Variants in ARID1B observed in about 807,000 individuals in gnomAD.
The protein encoded by ARID1B is AT-rich interaction domain 1B.
Under a neutral mutation model 212.3 loss-of-function variants are expected in ARID1B, and 30 were observed. The observed-to-expected ratio is 0.14, with a 90% CI of 0.11 to 0.19. The LOEUF is 0.19. Ranked by LOEUF, ARID1B falls within the 10% of genes least tolerant of loss-of-function variation. The pLI, the probability that ARID1B is intolerant of heterozygous loss-of-function variation, is 1.00. For synonymous variants in ARID1B, 1,402 were observed against 1,301.7 expected (o/e 1.08, Z -1.66); for missense variants, 2,891 against 3,204.0 (o/e 0.90, Z 2.36).
At chr6:156,989,812 C>A (rs1261663600) in intron 4 of ARID1B, among the ~76,000 whole-genome samples, 1 of 152,100 alleles carries the variant, frequency 6.6e-6, no homozygotes, top group East Asian at 1.9e-4. Context: ...GTGGGAGTGG[C>A]AGTAGCAGTG....
intron 4 of ARID1B, chr6:156,941,596 G>A (rs1792680571): frequency 6.6e-6 from 1 of 152,202 alleles, no homozygotes; most frequent in Non-Finnish European, 1.5e-5. Flanking sequence ...TCTTTAGGAT[G>A]TGATATCCTG....
chr6:157,146,458 C>T (rs1284070369), intron 7 of ARID1B, among the ~76,000 whole-genome samples: 1 of 152,188 alleles, frequency 6.6e-6, no homozygotes, highest in Non-Finnish European at 1.5e-5. Flanking sequence ...CAGAAGTGCT[C>T]ATTCAGAGGA....
At position 157,020,332 on chromosome 6, in the gene ARID1B, C is replaced by A. The variant is rs1468854563; in HGVS notation, c.2248-64330C>A. On this transcript the variant is annotated intron_variant, in intron 4 of 19. Coordinates refer to ENST00000636930, the MANE Select transcript of ARID1B (RefSeq NM_001374828.1). The stretch of plus-strand genomic sequence containing the variant: ...CATTTACCCCCATACAAGTTGAGCA[C>A]TCTGTAAGGGATGTAATTTAAACAT... 3.3e-5 allele frequency among the ~76,000 whole-genome samples: 5 copies of A among 152,266 alleles called. No homozygotes were observed. The East Asian group carries it at 5.8e-4, about 18-fold the overall frequency.
chr6:156,925,856 C>T (rs923570079), intron 3 of ARID1B, among the ~76,000 whole-genome samples: 2 of 152,148 alleles, frequency 1.3e-5, no homozygotes, highest in African/African-American at 4.8e-5. Flanking sequence ...CCATTCCACC[C>T]CTGTTCTTTG....
At chr6:157,100,174 G>T (rs926070447) in intron 5 of ARID1B, among the ~76,000 whole-genome samples, 22 of 152,166 alleles carry the variant, frequency 1.4e-4, no homozygotes, top group African/African-American at 5.1e-4. Flanking sequence ...GGTTTATACT[G>T]CTCTAATCTG....
chr6:156,897,258 CTTCTTCTTATTATTATTA>C (rs1788536272), intron 2 of ARID1B, among the ~76,000 whole-genome samples: 1 of 87,164 alleles, frequency 1.1e-5, no homozygotes, highest in Non-Finnish European at 2.6e-5. Context: ...TCTTCTTCTT[CTTCTTCTTATTATTATTA>C]TTATTATTAT....
intron 6 of ARID1B, among the ~76,000 whole-genome samples, chr6:157,123,127 C>G (rs982139884): frequency 1.3e-5 from 2 of 151,870 alleles, no homozygotes; most frequent in Non-Finnish European, 2.9e-5. Flanking sequence ...AGTCAGGGCC[C>G]TTCTCCTCAC....
Position 157,201,625 on chromosome 6 carries a change from T to C in ARID1B, c.5263+137T>C. 1 of 1,066,512 alleles carries C rather than the reference T, an allele frequency of 9.4e-7. No individual in the cohort carries two copies. The highest frequency in any genetic ancestry group is 1.3e-6 in the Non-Finnish European group (1 of 778,260). 66.1% of individuals were successfully genotyped at this position (1,066,512 alleles called of 1,614,324 possible). A position where few individuals can be genotyped will look rare whatever the true frequency, so the allele number is the denominator to read the frequency against. On this transcript the variant is annotated intron_variant, in intron 18 of 19. Transcript: ENST00000636930. The surrounding 1 kb of genome is among the most constrained non-coding windows in gnomAD (Gnocchi z 5.2). Reference sequence around the variant, plus strand: ...TAGAAGTTATCAAGATGCGTTTTTATATAGGAGTAATATAGTTGGAGGCTG... The same window carrying C: ...TAGAAGTTATCAAGATGCGTTTTTACATAGGAGTAATATAGTTGGAGGCTG...
intron 4 of ARID1B, among the ~76,000 whole-genome samples, chr6:157,013,714 T>TACC (rs1320424245): frequency 6.6e-6 from 1 of 152,218 alleles, no homozygotes; most frequent in East Asian, 1.9e-4. Context: ...CTCATGGACT[T>TACC]ACCTTTTTTT....
intron 11 of ARID1B, among the ~76,000 whole-genome samples, chr6:157,178,776 A>G (rs554628525): frequency 6.6e-6 from 1 of 152,236 alleles, no homozygotes; most frequent in Admixed American, 6.5e-5. Flanking sequence ...AACTGTGTCC[A>G]TCATTATCTC....
At chr6:156,934,923 T>G (rs1479233414) in intron 3 of ARID1B, among the ~76,000 whole-genome samples, 1 of 38,500 alleles carries the variant, frequency 2.6e-5, no homozygotes, top group East Asian at 1.4e-3. Context: ...TATATATATA[T>G]ATATATATAT....
intron 2 of ARID1B, among the ~76,000 whole-genome samples, chr6:156,832,803 TA>T (rs1783234576): frequency 6.6e-6 from 1 of 152,264 alleles, no homozygotes; most frequent in East Asian, 1.9e-4. Context: ...TGTTTGATTT[TA>T]GTATTACCCT....
intron 11 of ARID1B, among the ~76,000 whole-genome samples, chr6:157,180,042 A>G (rs1224892841): frequency 6.6e-6 from 1 of 152,244 alleles, no homozygotes; most frequent in Non-Finnish European, 1.5e-5. Context: ...AGAACTGAGA[A>G]AAGATTTTGT....
chr6:156,977,284 C>CTT (rs199671090), intron 4 of ARID1B, among the ~76,000 whole-genome samples: 6 of 128,820 alleles, frequency 4.7e-5, no homozygotes, highest in South Asian at 2.5e-4. Context: ...CCTGTCTCCT[C>CTT]TTTTTTTTTT....
chr6:157,198,043 T>C (rs1793849029), intron 16 of ARID1B, among the ~76,000 whole-genome samples: 1 of 152,266 alleles, frequency 6.6e-6, no homozygotes, highest in South Asian at 2.1e-4. Context: ...AGATTTAGTA[T>C]ATTAAACCAA....
chr6:156,897,255 CTTCTTCTTCTTA>C (rs1423248852), intron 2 of ARID1B, among the ~76,000 whole-genome samples: 28 of 90,200 alleles, frequency 3.1e-4, no homozygotes, highest in East Asian at 1.8e-3. Flanking sequence ...TCTTCTTCTT[CTTCTTCTTCTTA>C]TTATTATTAT....
Position 156,778,980 on chromosome 6 carries a change from G to GCA in ARID1B, c.1300_1301insCA (p.Gly434AlafsTer19). The GCA allele has an allele frequency of 7.8e-7, 1 of 1,279,418 alleles. No homozygotes were observed. The highest frequency in any genetic ancestry group is 9.8e-7 in the Non-Finnish European group (1 of 1,023,420). The allele number at this position is 1,279,418 out of a possible 1,614,324, so 79.3% of individuals were successfully genotyped here. A position where few individuals can be genotyped will look rare whatever the true frequency, so the allele number is the denominator to read the frequency against. ...GGCCGCGGCGGCGGCGGCAGCAGCA[G>GCA]GAGGCGGCGGCGGCGGCGGCTATGG... On this transcript the variant is annotated frameshift_variant, in exon 1 of 20. Coordinates refer to ENST00000636930, the MANE Select transcript of ARID1B (RefSeq NM_001374828.1). LOFTEE classifies it high-confidence loss of function.
chr6:157,146,945 C>T (rs919071284), intron 7 of ARID1B, among the ~76,000 whole-genome samples: 4 of 152,108 alleles, frequency 2.6e-5, no homozygotes, highest in Non-Finnish European at 5.9e-5. Flanking sequence ...GCTTGAGCTT[C>T]AGTACTAATC....
Position 157,002,808 on chromosome 6 carries a change from T to C in ARID1B, c.2247+67232T>C, listed in dbSNP as rs1355035221. Among the ~76,000 whole-genome samples the C allele has an allele frequency of 2.0e-5, 3 of 152,178 alleles. No homozygotes were observed. The East Asian group carries it at 5.8e-4, about 29-fold the overall frequency. On this transcript the variant is annotated intron_variant, in intron 4 of 19. Transcript: ENST00000636930. ...CTTTATAATTTAGTGGGAGAGAACA[T>C]CTTGCAGGTAAAATGCAAATTGATA...
Sources: gnomAD v4.1 joint callset for allele counts (sites outside exome capture counted in the v4.1 genomes callset) on GRCh38, gnomAD v4.1.1 for gene constraint, Gnocchi (gnomAD v3.1) non-coding constraint, MANE v1.5 for transcripts, NCBI Gene and HGNC (gene_info 2026-07-23, HGNC 2026-07-21) for gene names.